The following USP15 variants were observed in gnomAD, a reference collection of about 807,000 sequenced individuals.
USP15 encodes ubiquitin specific peptidase 15.
USP15 carries 18 observed loss-of-function variants against 127.1 expected under a neutral mutation model. The ratio of observed to expected loss-of-function variants is 0.14; its 90% CI spans 0.10 to 0.21. The LOEUF is 0.21. Ranked by LOEUF, USP15 falls within the 10% of genes least tolerant of loss-of-function variation. USP15 has a pLI of 1.00. For synonymous variants in USP15, 364 were observed against 393.7 expected (o/e 0.92, Z 0.89); for missense variants, 805 against 1,159.9 (o/e 0.69, Z 4.44).
intron 1 of USP15, among the ~76,000 whole-genome samples, chr12:62,292,647 C>T (rs2064007308): frequency 6.6e-6 from 1 of 152,182 alleles, no homozygotes; most frequent in Non-Finnish European, 1.5e-5. Context: ...CAGGACCTTA[C>T]TCCTCACTTG....
chr12:62,364,229 C>T (rs533471261), intron 8 of USP15, among the ~76,000 whole-genome samples: 2 of 152,270 alleles, frequency 1.3e-5, no homozygotes, highest in Non-Finnish European at 2.9e-5. Flanking sequence ...ATTACGGATG[C>T]AAGCAATGTC....
intron 17 of USP15, 129 bp downstream of exon 17, chr12:62,392,015 G>T: frequency 2.0e-6 from 2 of 986,934 alleles, no homozygotes; most frequent in African/African-American, 1.7e-5. Context: ...TAAAAAATTG[G>T]TCATGAACTA....
intron 1 of USP15, among the ~76,000 whole-genome samples, chr12:62,276,956 T>A (rs2063509408): frequency 6.6e-6 from 1 of 152,202 alleles, no homozygotes; most frequent in South Asian, 2.1e-4. Flanking sequence ...TTCTTATTTT[T>A]ATGCATAAAA....
At chr12:62,401,935 T>TAC (rs1565919592) in intron 21 of USP15, among the ~76,000 whole-genome samples, 2 of 142,778 alleles carry the variant, frequency 1.4e-5, no homozygotes, top group African/African-American at 2.6e-5. Context: ...TATATATATA[T>TAC]ACTGTTATTT....
At chr12:62,273,863 A>T (rs1424297499) in intron 1 of USP15, among the ~76,000 whole-genome samples, 1 of 152,132 alleles carries the variant, frequency 6.6e-6, no homozygotes, top group East Asian at 1.9e-4. Context: ...TTTCTCAATA[A>T]GTAAAGTGGA....
At chr12:62,371,853 C>T (rs554395599) in intron 8 of USP15, among the ~76,000 whole-genome samples, 28 of 152,112 alleles carry the variant, frequency 1.8e-4, no homozygotes, top group African/African-American at 6.5e-4. Flanking sequence ...ATAGCTCGAG[C>T]GGAAATATTT....
chr12:62,285,434 T>G (rs1405920508), intron 1 of USP15, among the ~76,000 whole-genome samples: 1 of 152,198 alleles, frequency 6.6e-6, no homozygotes, highest in Non-Finnish European at 1.5e-5. Flanking sequence ...CCTTCTTTTT[T>G]ATGGCTAAGT....
chr12:62,317,768 A>G (rs1423920442), intron 4 of USP15, among the ~76,000 whole-genome samples: 1 of 152,168 alleles, frequency 6.6e-6, no homozygotes, highest in South Asian at 2.1e-4. Flanking sequence ...ACCTACACTG[A>G]TATATAGTAA....
At chr12:62,266,012 AG>A (rs2063184175) in intron 1 of USP15, among the ~76,000 whole-genome samples, 1 of 152,242 alleles carries the variant, frequency 6.6e-6, no homozygotes, top group African/African-American at 2.4e-5. Context: ...TAGAACATGT[AG>A]GAAATCTTAA....
chr12:62,387,604 G>T lies in USP15; in HGVS notation c.1474-1827G>T, dbSNP rs1169997656. Among the ~76,000 whole-genome samples, 5 of 152,094 alleles carry T rather than the reference G, an allele frequency of 3.3e-5. No homozygotes were observed. In the East Asian group the frequency reaches 9.6e-4, roughly 29 times the overall value. Reference sequence around the variant, plus strand: ...AGGTCAATAAAATAAAGACTGATAAGTTGTACAACATTATTGGCAACCTTG... The same window carrying T: ...AGGTCAATAAAATAAAGACTGATAATTTGTACAACATTATTGGCAACCTTG... On this transcript the variant is annotated intron_variant, in intron 11 of 21. Coordinates refer to ENST00000280377, the MANE Select transcript of USP15 (RefSeq NM_001252078.2).
chr12:62,395,469 A>G (rs1450496270), intron 19 of USP15, among the ~76,000 whole-genome samples: 3 of 152,144 alleles, frequency 2.0e-5, no homozygotes, highest in Non-Finnish European at 4.4e-5. Context: ...TGGGGTATCC[A>G]TCCTCTCAAG....
intron 14 of USP15, among the ~76,000 whole-genome samples, 153 bp from the exon 15 acceptor site, chr12:62,390,711 C>T (rs1264087409): frequency 4.6e-5 from 7 of 152,046 alleles, no homozygotes; most frequent in Admixed American, 6.5e-5. Context: ...GTCAGTTATA[C>T]TTATGGTACT....
chr12:62,402,776 G>A (rs1244099219), intron 21 of USP15, among the ~76,000 whole-genome samples: 1 of 152,016 alleles, frequency 6.6e-6, no homozygotes, highest in African/African-American at 2.4e-5. Flanking sequence ...TGTTAAACAA[G>A]AGAATAACAT....
chr12:62,294,379 T>C, intron 2 of USP15, 73 bp downstream of exon 2: 3 of 1,532,866 alleles, frequency 2.0e-6, no homozygotes, highest in Non-Finnish European at 2.6e-6. Context: ...TGGGTTGAAT[T>C]TGGAAAATGT....
intron 6 of USP15, among the ~76,000 whole-genome samples, chr12:62,340,226 G>T (rs1418327708): frequency 6.6e-6 from 1 of 152,130 alleles, no homozygotes; most frequent in African/African-American, 2.4e-5. Flanking sequence ...GGGATCAGTG[G>T]TGATATCCCC....
chr12:62,289,233 G>GTTGTTGTTA lies in USP15; in HGVS notation c.90-4938_90-4937insATTGTTGTT, dbSNP rs535848817. On this transcript the variant is annotated intron_variant, in intron 1 of 21. Transcript: ENST00000280377. ...TCCTGAGCTTGTTGTTGTTGTTGTTGTTGTTGTTGTTGGGAGATTTTCATC... is the reference window on the plus strand; with the variant it reads ...TCCTGAGCTTGTTGTTGTTGTTGTTGTTGTTGTTATTGTTGTTGTTGGGAGATTTTCATC... Among the ~76,000 whole-genome samples, 289 of 151,932 alleles carry GTTGTTGTTA rather than the reference G, an allele frequency of 1.9e-3. 4 individuals are homozygous for GTTGTTGTTA. Among genetic ancestry groups the GTTGTTGTTA allele is most frequent in the African/African-American group, 6.7e-3 (277 of 41,438 alleles).
At chr12:62,269,111 A>G (rs2063276738) in intron 1 of USP15, among the ~76,000 whole-genome samples, 1 of 152,152 alleles carries the variant, frequency 6.6e-6, no homozygotes, top group Non-Finnish European at 1.5e-5. Flanking sequence ...TGATACAGTC[A>G]TGAGTCACTT....
intron 8 of USP15, among the ~76,000 whole-genome samples, chr12:62,359,776 T>A (rs912338036): frequency 6.6e-6 from 1 of 152,136 alleles, no homozygotes; most frequent in African/African-American, 2.4e-5. Context: ...AGGGATATAA[T>A]AGCATAGAAT....
intron 6 of USP15, among the ~76,000 whole-genome samples, chr12:62,327,216 A>ATT (rs35303425): frequency 6.6e-5 from 10 of 151,464 alleles, no homozygotes; most frequent in Admixed American, 5.9e-4. Context: ...CTTACGTGAA[A>ATT]TTTTTTTTTC....
Sources: allele counts gnomAD v4.1 joint callset (sites outside exome capture counted in the v4.1 genomes callset), GRCh38; gene constraint gnomAD v4.1.1; transcripts MANE v1.5; gene names NCBI Gene and HGNC (gene_info 2026-07-23, HGNC 2026-07-21).